Variants in CHMP4B observed in about 807,000 individuals in gnomAD.
CHMP4B encodes the protein charged multivesicular body protein 4B, also known as SNF7 homolog associated with Alix 1.
CHMP4B carries 1 observed loss-of-function variant against 25.1 expected under a neutral mutation model. The ratio of observed to expected loss-of-function variants is 0.04; its 90% CI spans 0.01 to 0.19. The LOEUF (loss-of-function observed/expected upper bound fraction) is 0.19. Among genes scored for constraint, CHMP4B ranks in the 10% least tolerant of loss-of-function variants. The pLI, the probability that CHMP4B is intolerant of heterozygous loss-of-function variation, is 1.00. For synonymous variants in CHMP4B, 101 were observed against 115.6 expected (o/e 0.87, Z 0.81); for missense variants, 151 against 289.7 (o/e 0.52, Z 3.48).
intron 1 of CHMP4B, among the ~76,000 whole-genome samples, chr20:33,827,127 A>T (rs1183885887): frequency 6.6e-6 from 1 of 151,928 alleles, no homozygotes; most frequent in Non-Finnish European, 1.5e-5. Context: ...TAGCTGTCCT[A>T]CCCCTGGGTG....
intron 1 of CHMP4B, among the ~76,000 whole-genome samples, chr20:33,840,341 G>GA (rs1979504204): frequency 6.6e-6 from 1 of 152,074 alleles, no homozygotes; most frequent in African/African-American, 2.4e-5. Flanking sequence ...AGGCGGGGGG[G>GA]AAACAGGCAA....
intron 1 of CHMP4B, among the ~76,000 whole-genome samples, chr20:33,830,035 T>A (rs948326493): frequency 2.0e-5 from 3 of 152,232 alleles, no homozygotes; most frequent in African/African-American, 7.2e-5. Flanking sequence ...AGACTTTGAT[T>A]TGACCAGATC....
intron 1 of CHMP4B, among the ~76,000 whole-genome samples, chr20:33,841,046 A>T (rs1979527100): frequency 6.6e-6 from 1 of 152,138 alleles, no homozygotes; most frequent in African/African-American, 2.4e-5. Context: ...TTTACGGAAC[A>T]CACTTTGTTT....
At chr20:33,825,254 C>T (rs550922674) in intron 1 of CHMP4B, among the ~76,000 whole-genome samples, 51 of 152,254 alleles carry the variant, frequency 3.3e-4, no homozygotes, top group African/African-American at 1.2e-3. Context: ...ATATTAATTC[C>T]CTTCAACCGA....
Position 33,811,518 on chromosome 20 carries a change from A to G in CHMP4B, c.50A>G (p.Lys17Arg), listed in dbSNP as rs752908751. ...GGGGCTGGAGGGGGTAAGGCCGGCA[A>G]GGGCGGCCCGACCCCCCAGGAGGCC... ...LFGAGGGKAG[K>R]GGPTPQEAIQ... is the part of the protein sequence containing the mutation. Residue 17 changes from lysine (K) to arginine (R), a missense_variant, in exon 1 of 5, where the codon AAG (lysine) becomes AGG (arginine). Physicochemically the swap from Lys to Arg is conservative, Grantham distance 26. Around this residue, in one of 3 missense-constraint regions of CHMP4B, gnomAD observed 28 missense variants for 30.5 expected, o/e 0.92. Coordinates refer to ENST00000217402, the MANE Select transcript of CHMP4B (RefSeq NM_176812.5). The G allele has an allele frequency of 5.0e-6, 8 of 1,605,232 alleles. No homozygotes were observed. The highest frequency in any genetic ancestry group is 6.8e-6 in the Non-Finnish European group (8 of 1,175,972).
chr20:33,835,063 T>C (rs1296274706), intron 1 of CHMP4B, among the ~76,000 whole-genome samples: 1 of 152,192 alleles, frequency 6.6e-6, no homozygotes, highest in South Asian at 2.1e-4. Context: ...CCCAAAATGC[T>C]GGGATTACAA....
chr20:33,835,107 A>C (rs1979357312), intron 1 of CHMP4B, among the ~76,000 whole-genome samples: 1 of 152,166 alleles, frequency 6.6e-6, no homozygotes, highest in Admixed American at 6.5e-5. Context: ...ATGATTCCTA[A>C]TTATTAAATT....
intron 3 of CHMP4B, among the ~76,000 whole-genome samples, chr20:33,851,338 G>C (rs2122817881): frequency 6.6e-6 from 1 of 152,302 alleles, no homozygotes. Flanking sequence ...ACCTTTCCAG[G>C]GTGGGCCCTG....
chr20:33,837,525 T>C (rs1019009124), intron 1 of CHMP4B, among the ~76,000 whole-genome samples: 1 of 151,650 alleles, frequency 6.6e-6, no homozygotes, highest in Admixed American at 6.6e-5. Context: ...GAGAGAGGAA[T>C]TTCAGAGAGA....
chr20:33,837,093 C>T (rs1220375519), intron 1 of CHMP4B, among the ~76,000 whole-genome samples: 1 of 152,040 alleles, frequency 6.6e-6, no homozygotes, highest in Non-Finnish European at 1.5e-5. Context: ...GAATAAAATA[C>T]GAGGCTCAGA....
intron 3 of CHMP4B, 74 bp from the exon 4 acceptor site, chr20:33,852,003 A>G: frequency 6.3e-7 from 1 of 1,595,908 alleles, no homozygotes; most frequent in Non-Finnish European, 8.6e-7. Context: ...CATGAGCATT[A>G]ATTAGGTAGG....
At chr20:33,836,569 T>G (rs1979397323) in intron 1 of CHMP4B, among the ~76,000 whole-genome samples, 1 of 152,136 alleles carries the variant, frequency 6.6e-6, no homozygotes. Context: ...TTCCCTGGCC[T>G]TAGATAGCTT....
intron 1 of CHMP4B, among the ~76,000 whole-genome samples, chr20:33,844,669 C>G (rs1217041583): frequency 6.6e-6 from 1 of 151,934 alleles, no homozygotes; most frequent in Non-Finnish European, 1.5e-5. Flanking sequence ...ATGTAGCTGA[C>G]TGTATAAAAT....
intron 1 of CHMP4B, among the ~76,000 whole-genome samples, chr20:33,815,327 G>T (rs1601314849): frequency 6.6e-6 from 1 of 152,182 alleles, no homozygotes; most frequent in East Asian, 1.9e-4. Context: ...AGAATAAAGG[G>T]CCTAGTGTAG....
At chr20:33,833,423 C>T (rs185211163) in intron 1 of CHMP4B, among the ~76,000 whole-genome samples, 2 of 152,316 alleles carry the variant, frequency 1.3e-5, no homozygotes, top group Non-Finnish European at 2.9e-5. Context: ...AGTTCACCCT[C>T]TCCTGGTCAG....
rs575484685 is a variant in CHMP4B, at chr20:33,836,586, A to C, written c.191-11881A>C. 3.3e-5 allele frequency among the ~76,000 whole-genome samples: 5 copies of C among 152,158 alleles called. No individual in the cohort carries two copies. In the South Asian group the frequency reaches 1.0e-3, roughly 32 times the overall value. ...CCCTGGCCTTAGATAGCTTTTTCAC[A>C]CATGGGTGCTGATCAGTATTCTGCT... On this transcript the variant is annotated intron_variant, in intron 1 of 4. Transcript: ENST00000217402.
chr20:33,848,742 C>A (rs1205849507), intron 2 of CHMP4B, 98 bp downstream of exon 2: 19 of 1,264,420 alleles, frequency 1.5e-5, no homozygotes, highest in Non-Finnish European at 2.0e-5. Context: ...CTTGACTTAC[C>A]TATTCGAGCA....
chr20:33,811,936 C>T (rs1978633774), intron 1 of CHMP4B, among the ~76,000 whole-genome samples: 1 of 152,180 alleles, frequency 6.6e-6, no homozygotes, highest in Non-Finnish European at 1.5e-5. Context: ...TTTCCTCCGC[C>T]CTCACTCTGT....
intron 2 of CHMP4B, among the ~76,000 whole-genome samples, chr20:33,850,274 T>G (rs1979810528): frequency 6.6e-6 from 1 of 152,190 alleles, no homozygotes; most frequent in Admixed American, 6.5e-5. Flanking sequence ...AGAAGTAGCC[T>G]TCAAATAAGT....
Sources: allele counts gnomAD v4.1 joint callset (sites outside exome capture counted in the v4.1 genomes callset), GRCh38; gene constraint gnomAD v4.1.1; regional missense constraint gnomAD v4.1.1; transcripts MANE v1.5; gene names NCBI Gene and HGNC (gene_info 2026-07-23, HGNC 2026-07-21).